Variants in ADAMTS12 observed in about 807,000 individuals in gnomAD.
The protein encoded by ADAMTS12 is A disintegrin and metalloproteinase with thrombospondin motifs 12.
In ADAMTS12, 118 loss-of-function variants were observed where a neutral mutation model predicts 167.8. The ratio of observed to expected loss-of-function variants is 0.70; its 90% CI spans 0.61 to 0.82. The LOEUF is 0.82. Ranked by LOEUF, ADAMTS12 falls within the 40% of genes least tolerant of loss-of-function variation. The pLI is 0.00. For synonymous variants in ADAMTS12, 704 were observed against 716.9 expected, an observed-to-expected ratio of 0.98 and a Z score of 0.29; for missense variants, 1,916 against 1,998.8, an observed-to-expected ratio of 0.96 and a Z score of 0.79.
Position 33,576,833 on chromosome 5 carries a change from T to G in ADAMTS12, c.3193A>C (p.Lys1065Gln), listed in dbSNP as rs756622341. The change falls in exon 19 of 24, where the codon AAA becomes CAA. Residue 1065 changes from lysine (K) to glutamine (Q), a missense_variant. Lys to Gln is a moderately conservative substitution (Grantham distance 53). Coordinates refer to ENST00000504830, the MANE Select transcript of ADAMTS12 (RefSeq NM_030955.4). The stretch of plus-strand genomic sequence containing the variant: ...TGGGTTGAGCTATCTTGCCACTGTT[T>G]CCCACCCAGGTCTCCTTCTTTGGAG... ...TASKEGDLGG[K>Q]QWQDSSTQPE... The G allele has an allele frequency of 3.1e-6, 5 of 1,614,228 alleles. No individual in the cohort carries two copies. The Admixed American group carries it at 8.3e-5, about 27-fold the overall frequency.
At chr5:33,862,606 C>G (rs1266526394) in intron 2 of ADAMTS12, among the ~76,000 whole-genome samples, 3 of 152,138 alleles carry the variant, frequency 2.0e-5, no homozygotes, top group Non-Finnish European at 2.9e-5. Context: ...CCTAATTCTA[C>G]CAGAGGCACA....
At chr5:33,636,575 G>A (rs1254136786) in intron 12 of ADAMTS12, among the ~76,000 whole-genome samples, 2 of 152,156 alleles carry the variant, frequency 1.3e-5, no homozygotes, top group African/African-American at 4.8e-5. Context: ...CCACTGCAGA[G>A]TCTTTCTTTC....
intron 12 of ADAMTS12, among the ~76,000 whole-genome samples, chr5:33,635,791 T>C (rs1294991667): frequency 4.0e-5 from 6 of 151,822 alleles, no homozygotes. Context: ...GTAGACAGAG[T>C]ATAATGGGGA....
chr5:33,640,728 T>A (rs1184784953), intron 11 of ADAMTS12, among the ~76,000 whole-genome samples: 2 of 151,918 alleles, frequency 1.3e-5, no homozygotes, highest in African/African-American at 4.8e-5. Context: ...TAATAACTAC[T>A]ATTTATTAAC....
At chr5:33,622,307 A>G (rs975028103) in intron 14 of ADAMTS12, among the ~76,000 whole-genome samples, 1 of 152,170 alleles carries the variant, frequency 6.6e-6, no homozygotes, top group African/African-American at 2.4e-5. Flanking sequence ...AGTTATCATA[A>G]TATTAGAAGA....
intron 3 of ADAMTS12, among the ~76,000 whole-genome samples, chr5:33,716,954 GC>G (rs993387813): frequency 5.9e-5 from 9 of 152,220 alleles, no homozygotes; most frequent in East Asian, 5.8e-4. Context: ...AGCAGGAGGG[GC>G]ATTGTACTTT....
At chr5:33,550,621 G>A (rs1209556486) in intron 20 of ADAMTS12, among the ~76,000 whole-genome samples, 2 of 151,980 alleles carry the variant, frequency 1.3e-5, no homozygotes, top group Admixed American at 6.6e-5. Flanking sequence ...CATTTTCAAT[G>A]GCACCTCTTC....
At chr5:33,854,752 G>A (rs906124883) in intron 2 of ADAMTS12, among the ~76,000 whole-genome samples, 5 of 152,172 alleles carry the variant, frequency 3.3e-5, no homozygotes, top group African/African-American at 1.2e-4. Flanking sequence ...TGAGGCTGCA[G>A]CACAAAGCAC....
intron 18 of ADAMTS12, among the ~76,000 whole-genome samples, chr5:33,583,730 T>A (rs1270536827): frequency 1.3e-5 from 2 of 152,232 alleles, no homozygotes; most frequent in Admixed American, 6.5e-5. Context: ...GATTTGCATT[T>A]CTCTGATGAT....
chr5:33,831,868 G>A (rs2548023), intron 2 of ADAMTS12, among the ~76,000 whole-genome samples: 50,609 of 152,134 alleles, frequency 0.33, 11,002 homozygotes, highest in East Asian at 0.69. Context: ...CTCTATGGCC[G>A]AGGCCACTGC....
At chr5:33,633,535 G>T (rs1740055560) in intron 12 of ADAMTS12, among the ~76,000 whole-genome samples, 1 of 151,988 alleles carries the variant, frequency 6.6e-6, no homozygotes, top group East Asian at 1.9e-4. Flanking sequence ...TGTGCCTCAG[G>T]CCTATGTTTG....
At chr5:33,603,571 A>C (rs543177373) in intron 16 of ADAMTS12, 2 of 152,274 alleles carry the variant, frequency 1.3e-5, no homozygotes, top group South Asian at 4.2e-4. Context: ...AGGGGAGAGA[A>C]GAACAGACAC....
intron 23 of ADAMTS12, among the ~76,000 whole-genome samples, chr5:33,530,670 G>A (rs773512667): frequency 2.9e-4 from 44 of 152,294 alleles, no homozygotes; most frequent in South Asian, 6.2e-4. Flanking sequence ...TTCTGGCAGC[G>A]CTGACCCACA....
rs1255534967 is a variant in ADAMTS12 at position 33,614,316 on chromosome 5, G to A, written c.2449C>T (p.Leu817Phe). 6.2e-7 allele frequency: 1 copy of A among 1,614,064 alleles called. No homozygotes were observed. The highest frequency in any genetic ancestry group is 1.3e-5 in the African/African-American group (1 of 75,022). The change falls in exon 16 of 24, where the codon CTT (leucine) becomes TTT (phenylalanine). Residue 817 changes from leucine to phenylalanine, a missense_variant. By Grantham distance (22) the Leu-to-Phe change is conservative. Coordinates refer to ENST00000504830, the MANE Select transcript of ADAMTS12 (RefSeq NM_030955.4). ...KYEYTIQKDG[L>F]DNDVEQQMYF... ...ATCTGCTGCTCAACATCATTGTCAA[G>A]GCCATCTTTCTGGATTGTGTACTCA...
intron 5 of ADAMTS12, 95 bp downstream of exon 5, chr5:33,682,923 G>T: frequency 2.1e-6 from 2 of 962,172 alleles, no homozygotes; most frequent in Non-Finnish European, 1.6e-6. Context: ...ACACTTTCTG[G>T]TACCCTCTTT....
intron 16 of ADAMTS12, among the ~76,000 whole-genome samples, chr5:33,611,702 G>A (rs1738737927): frequency 6.6e-6 from 1 of 152,092 alleles, no homozygotes; most frequent in Non-Finnish European, 1.5e-5. Context: ...ACAGCAATAA[G>A]GAATTGGTTA....
At chr5:33,633,076 G>C (rs779047408) in intron 12 of ADAMTS12, among the ~76,000 whole-genome samples, 1 of 151,378 alleles carries the variant, frequency 6.6e-6, no homozygotes, top group Non-Finnish European at 1.5e-5. Flanking sequence ...ATGAAAACCT[G>C]CTGTTAGCAT....
At chr5:33,829,541 G>GA (rs1748217841) in intron 2 of ADAMTS12, among the ~76,000 whole-genome samples, 1 of 152,080 alleles carries the variant, frequency 6.6e-6, no homozygotes, top group Admixed American at 6.6e-5. Flanking sequence ...AATTCAGCCT[G>GA]GAAGTTAAGA....
intron 23 of ADAMTS12, among the ~76,000 whole-genome samples, chr5:33,531,665 A>G (rs1220982835): frequency 6.6e-6 from 1 of 152,232 alleles, no homozygotes; most frequent in Non-Finnish European, 1.5e-5. Context: ...TTCTCTGCCC[A>G]GAACATCTTC....
Sources: allele counts gnomAD v4.1 joint callset (sites outside exome capture counted in the v4.1 genomes callset), GRCh38; gene constraint gnomAD v4.1.1; transcripts MANE v1.5; gene names NCBI Gene and HGNC (gene_info 2026-07-23, HGNC 2026-07-21).